Variants in ADCY10 observed in about 807,000 individuals in gnomAD.
ADCY10 encodes the protein adenylate cyclase 10.
A neutral mutation model predicts 183.3 loss-of-function variants in ADCY10; 156 were observed. The observed-to-expected ratio is 0.85, with a 90% confidence interval of 0.75 to 0.97. ADCY10 has a LOEUF of 0.97. ADCY10 is among the 50% of genes least tolerant of loss of function. The pLI is 0.00. For synonymous variants in ADCY10, 645 were observed against 670.0 expected (o/e 0.96, Z 0.58); for missense variants, 1,745 against 1,934.3 (o/e 0.90, Z 1.84).
intron 19 of ADCY10, among the ~76,000 whole-genome samples, chr1:167,846,524 G>A (rs1303534866): frequency 6.6e-6 from 1 of 152,194 alleles, no homozygotes; most frequent in Non-Finnish European, 1.5e-5. Context: ...ATTTCATGGT[G>A]TTCTGATTTT....
At chr1:167,871,073 T>C (rs923794469) in intron 13 of ADCY10, among the ~76,000 whole-genome samples, 33 of 152,232 alleles carry the variant, frequency 2.2e-4, no homozygotes, top group African/African-American at 7.5e-4. Flanking sequence ...GCTTGTTTTT[T>C]TTTGTTTTTT....
chr1:167,837,259 C>T lies in ADCY10; in HGVS notation c.3067G>A (p.Glu1023Lys). ...EIPETSAFFP[E>K]NRSPEEIREK... ...GATATATGCCTCTACCTGCGATTTT[C>T]AGGAAAAAATGCAGATGTCTCAGGA... The change falls in exon 22 of 33, where the codon GAA becomes AAA. Residue 1023 changes from glutamate to lysine, a missense_variant. Coordinates refer to ENST00000367851, the MANE Select transcript of ADCY10 (RefSeq NM_018417.6). 1 of 1,613,590 alleles carries T rather than the reference C, an allele frequency of 6.2e-7. No individual in the cohort carries two copies. The highest frequency in any genetic ancestry group is 8.5e-7 in the Non-Finnish European group (1 of 1,179,566).
At chr1:167,819,923 T>A in intron 30 of ADCY10, 4 of 1,071,788 alleles carry the variant, frequency 3.7e-6, no homozygotes, top group Middle Eastern at 2.0e-4. Flanking sequence ...GCAAAACATC[T>A]TCTCCAGGCC....
rs758740947 is a variant in ADCY10 at position 167,854,417 on chromosome 1, C to T, written c.2244G>A (p.Glu748=). 2 of 1,614,176 alleles carry T rather than the reference C, an allele frequency of 1.2e-6. No individual in the cohort carries two copies. The highest frequency in any genetic ancestry group is 1.7e-6 in the Non-Finnish European group (2 of 1,180,024). The change falls in exon 18 of 33, where the codon GAG becomes GAA. Residue 748 remains glutamate, a synonymous_variant. Transcript: ENST00000367851. ...EELLKNLEHH[E]VLVFQQTESE... ...ACTCCGTTTGTTGGAAAACGAGTACCTCATGATGTTCCAGGTTTTTAAGCA... is the reference window on the plus strand; with the variant it reads ...ACTCCGTTTGTTGGAAAACGAGTACTTCATGATGTTCCAGGTTTTTAAGCA...
chr1:167,835,703 A>T (rs1664142573), intron 23 of ADCY10, among the ~76,000 whole-genome samples: 1 of 152,202 alleles, frequency 6.6e-6, no homozygotes, highest in African/African-American at 2.4e-5. Context: ...AGCCTGGGCA[A>T]CATAGTGTAA....
chr1:167,866,231 G>C (rs993176525), intron 14 of ADCY10, among the ~76,000 whole-genome samples: 2 of 152,112 alleles, frequency 1.3e-5, no homozygotes, highest in East Asian at 3.8e-4. Flanking sequence ...TCAACAAGAG[G>C]GAGGAAAAAT....
chr1:167,836,971 G>A, intron 22 of ADCY10: 1 of 424,160 alleles, frequency 2.4e-6, no homozygotes, highest in South Asian at 2.3e-5. Context: ...GTTGCAGTGA[G>A]CTGAGATTGT....
chr1:167,821,981 C>T, intron 30 of ADCY10, 43 bp downstream of exon 30: 1 of 1,328,718 alleles, frequency 7.5e-7, no homozygotes, highest in Non-Finnish European at 1.1e-6. Context: ...TGGGATTCAA[C>T]ATTTTCACTT....
In ADCY10 at chr1:167,904,732, G is replaced by A. The variant is rs531983347; in HGVS notation, c.148+261C>T. On this transcript the variant is annotated intron_variant, in intron 2 of 32. Coordinates refer to ENST00000367851, the MANE Select transcript of ADCY10 (RefSeq NM_018417.6). Reference sequence around the variant, plus strand: ...TGGAGAGGATGAGTCAGTGAAGTTGGGGCAGAGATACTGGAGCAAAGAATG... The same window carrying A: ...TGGAGAGGATGAGTCAGTGAAGTTGAGGCAGAGATACTGGAGCAAAGAATG... 8.2e-6 allele frequency: 5 copies of A among 612,052 alleles called. No individual in the cohort carries two copies. The African/African-American group carries it at 9.2e-5, about 11-fold the overall frequency. 37.9% of individuals were successfully genotyped at this position (612,052 alleles called of 1,614,324 possible). A position where few individuals can be genotyped will look rare whatever the true frequency, so the allele number is the denominator to read the frequency against.
At chr1:167,894,382 G>A (rs1467693291) in intron 7 of ADCY10, among the ~76,000 whole-genome samples, 1 of 152,130 alleles carries the variant, frequency 6.6e-6, no homozygotes, top group Non-Finnish European at 1.5e-5. Flanking sequence ...CCGCTTCACT[G>A]TGTGACCCTG....
At chr1:167,913,505 C>T (rs936556672) in intron 1 of ADCY10, among the ~76,000 whole-genome samples, 6 of 152,196 alleles carry the variant, frequency 3.9e-5, no homozygotes, top group Non-Finnish European at 8.8e-5. Flanking sequence ...TATTGTGGCT[C>T]TTAATGTCTA....
intron 8 of ADCY10, among the ~76,000 whole-genome samples, chr1:167,884,336 G>T (rs908755133): frequency 6.6e-6 from 1 of 152,050 alleles, no homozygotes; most frequent in Admixed American, 6.6e-5. Flanking sequence ...GAGAGCAGGG[G>T]GAGTGCTACA....
chr1:167,879,636 G>A (rs571964569), intron 11 of ADCY10, among the ~76,000 whole-genome samples: 4 of 152,170 alleles, frequency 2.6e-5, no homozygotes, highest in Non-Finnish European at 5.9e-5. Context: ...CATATATTCA[G>A]TATTTTAGAT....
Position 167,809,562 on chromosome 1 carries a change from G to T in ADCY10, c.*116C>A. On this transcript the variant is annotated 3_prime_UTR_variant, in exon 33 of 33. Transcript: ENST00000367851. ...AGAAGAAATCAACATGTCTGTTTCT[G>T]TGTCTGGAACAGAAGAGATTATGTA... The T allele has an allele frequency of 1.8e-6, 2 of 1,128,856 alleles. No individual in the cohort carries two copies. Among genetic ancestry groups the T allele is most frequent in the Non-Finnish European group, 2.7e-6 (2 of 752,554 alleles). 69.9% of individuals were successfully genotyped at this position (1,128,856 alleles called of 1,614,324 possible).
At chr1:167,896,543 C>G (rs1350977169) in intron 7 of ADCY10, 52 bp downstream of exon 7, 2 of 1,397,296 alleles carry the variant, frequency 1.4e-6, no homozygotes, top group Non-Finnish European at 1.0e-6. Context: ...TGATATAAGA[C>G]CCTACTGACC....
intron 20 of ADCY10, 61 bp from the exon 21 acceptor site, chr1:167,845,914 C>G (rs1320216821): frequency 1.2e-6 from 2 of 1,613,960 alleles, no homozygotes; most frequent in Non-Finnish European, 1.7e-6. Context: ...CCCCTTCTAC[C>G]TAACATAGGT....
intron 14 of ADCY10, among the ~76,000 whole-genome samples, chr1:167,862,819 C>T (rs1666376153): frequency 6.6e-6 from 1 of 152,168 alleles, no homozygotes; most frequent in Admixed American, 6.5e-5. Flanking sequence ...GCATTTTCCC[C>T]TCACACTGTT....
At chr1:167,836,585 C>G (rs1664218893) in intron 22 of ADCY10, 45 bp from the exon 23 acceptor site, 1 of 1,345,072 alleles carries the variant, frequency 7.4e-7, no homozygotes. Flanking sequence ...TACAGTATCA[C>G]TTTTGATATT....
At chr1:167,852,131 C>A (rs566302208) in intron 18 of ADCY10, among the ~76,000 whole-genome samples, 1 of 152,056 alleles carries the variant, frequency 6.6e-6, no homozygotes. Flanking sequence ...AGAGAAGACA[C>A]CTGATTGTGT....
Sources: allele counts gnomAD v4.1 joint callset (sites outside exome capture counted in the v4.1 genomes callset), GRCh38; gene constraint gnomAD v4.1.1; transcripts MANE v1.5; gene names NCBI Gene and HGNC (gene_info 2026-07-23, HGNC 2026-07-21).